SGCZ: variants seen among roughly 807,000 people sequenced by gnomAD.
SGCZ encodes the protein zeta-sarcoglycan.
SGCZ carries 40 observed loss-of-function variants against 41.3 expected under a neutral mutation model. The ratio of observed to expected loss-of-function variants is 0.97; its 90% CI spans 0.75 to 1.26. SGCZ has a LOEUF of 1.26. Among genes scored for constraint, SGCZ ranks in the 50% most tolerant of loss-of-function variants. The probability of loss-of-function intolerance (pLI) is 0.00; values close to 1 mark genes in which losing one functional copy is unlikely to be tolerated. For missense variants in SGCZ, 552 were observed against 369.8 expected (o/e 1.49, Z -4.04); for synonymous variants, 206 against 137.5 (o/e 1.50, Z -3.49).
At chr8:14,360,472 C>G (rs529380240) in intron 2 of SGCZ, among the ~76,000 whole-genome samples, 1 of 151,836 alleles carries the variant, frequency 6.6e-6, no homozygotes, top group Non-Finnish European at 1.5e-5. Context: ...ATTACAGGCA[C>G]GCATCACCAC....
At chr8:15,193,492 G>C (rs1800608983) in intron 1 of SGCZ, among the ~76,000 whole-genome samples, 2 of 151,924 alleles carry the variant, frequency 1.3e-5, no homozygotes, top group African/African-American at 4.8e-5. Flanking sequence ...ACTGTCAAAT[G>C]GTACTTTGGA....
At chr8:14,227,957 T>A (rs1339013027) in intron 4 of SGCZ, among the ~76,000 whole-genome samples, 1 of 152,038 alleles carries the variant, frequency 6.6e-6, no homozygotes, top group Non-Finnish European at 1.5e-5. Context: ...CTCTACCCCA[T>A]GACCAGGCAA....
chr8:14,544,572 G>A (rs1803567401), intron 2 of SGCZ, among the ~76,000 whole-genome samples: 1 of 152,116 alleles, frequency 6.6e-6, no homozygotes, highest in Non-Finnish European at 1.5e-5. Flanking sequence ...CCTGGGGGAG[G>A]TCTATAAATG....
chr8:15,115,512 A>T (rs1484047441), intron 1 of SGCZ, among the ~76,000 whole-genome samples: 1 of 152,246 alleles, frequency 6.6e-6, no homozygotes, highest in African/African-American at 2.4e-5. Context: ...TAAATTGTTA[A>T]TATGTTACAG....
chr8:14,478,889 T>G (rs936832172), intron 2 of SGCZ, among the ~76,000 whole-genome samples: 1 of 152,134 alleles, frequency 6.6e-6, no homozygotes, highest in Non-Finnish European at 1.5e-5. Context: ...TCAAAATCTC[T>G]GGTCGCTACA....
intron 1 of SGCZ, among the ~76,000 whole-genome samples, chr8:14,799,394 C>A (rs557897673): frequency 6.6e-6 from 1 of 152,116 alleles, no homozygotes; most frequent in South Asian, 2.1e-4. Flanking sequence ...ATTTGATTTC[C>A]AGGAGAACCC....
At chr8:14,209,194 A>T (rs1256569947) in intron 4 of SGCZ, among the ~76,000 whole-genome samples, 3 of 152,218 alleles carry the variant, frequency 2.0e-5, no homozygotes, top group Non-Finnish European at 2.9e-5. Flanking sequence ...TAAACGTCAC[A>T]TGTTGTCCAA....
intron 1 of SGCZ, among the ~76,000 whole-genome samples, chr8:14,883,235 T>TA (rs370971113): frequency 0.35 from 48,630 of 137,768 alleles, 11,294 homozygotes; most frequent in African/African-American, 0.67. Context: ...TTGGGCTACT[T>TA]AAAAAAAAAA....
At chr8:14,556,778 TC>T (rs1804046607) in intron 1 of SGCZ, among the ~76,000 whole-genome samples, 2 of 152,092 alleles carry the variant, frequency 1.3e-5, no homozygotes. Flanking sequence ...ATTAATTCCT[TC>T]CTTTTTATGG....
chr8:14,311,084 T>C (rs1171371569), intron 3 of SGCZ, among the ~76,000 whole-genome samples: 3 of 152,156 alleles, frequency 2.0e-5, no homozygotes, highest in African/African-American at 7.2e-5. Flanking sequence ...ATAATTTTTT[T>C]TCTTACAAAC....
chr8:14,930,957 T>C (rs976186000), intron 1 of SGCZ, among the ~76,000 whole-genome samples: 1 of 152,014 alleles, frequency 6.6e-6, no homozygotes, highest in Non-Finnish European at 1.5e-5. Flanking sequence ...GGCACGTGTA[T>C]ACCTATGTAA....
chr8:14,501,877 A>C (rs1802165752), intron 2 of SGCZ, among the ~76,000 whole-genome samples: 1 of 152,118 alleles, frequency 6.6e-6, no homozygotes, highest in South Asian at 2.1e-4. Context: ...CCAATATAAT[A>C]TCTTTTTATT....
chr8:14,272,645 G>C (rs953671352), intron 3 of SGCZ, among the ~76,000 whole-genome samples: 11 of 152,118 alleles, frequency 7.2e-5, no homozygotes, highest in African/African-American at 2.4e-4. Flanking sequence ...ACGTGTCCTG[G>C]TGTGTAGAAT....
At chr8:14,219,380 G>A (rs1044305515) in intron 4 of SGCZ, among the ~76,000 whole-genome samples, 2 of 152,140 alleles carry the variant, frequency 1.3e-5, no homozygotes, top group African/African-American at 2.4e-5. Flanking sequence ...GCCTGCAGCC[G>A]GTATTGGTCA....
At chr8:14,190,012 T>A (rs1473577748) in intron 4 of SGCZ, among the ~76,000 whole-genome samples, 1 of 58,504 alleles carries the variant, frequency 1.7e-5, no homozygotes, top group Non-Finnish European at 4.1e-5. Context: ...CTTTCTTTCT[T>A]TCTTTTTTTT....
chr8:14,817,108 G>C (rs1354642221), intron 1 of SGCZ, among the ~76,000 whole-genome samples: 1 of 152,086 alleles, frequency 6.6e-6, no homozygotes, highest in Non-Finnish European at 1.5e-5. Context: ...CTTCCCAGTA[G>C]TTATACCAAC....
intron 1 of SGCZ, among the ~76,000 whole-genome samples, chr8:15,222,264 A>T (rs184254408): frequency 4.5e-4 from 69 of 152,304 alleles, no homozygotes; most frequent in Admixed American, 3.7e-3. Flanking sequence ...TCCATATTCC[A>T]GGGAGAGAGA....
chr8:15,006,516 G>T (rs924924893), intron 1 of SGCZ, among the ~76,000 whole-genome samples: 1 of 152,154 alleles, frequency 6.6e-6, no homozygotes, highest in Non-Finnish European at 1.5e-5. Context: ...TTAAGGGAAA[G>T]CCTGATCATT....
chr8:14,635,471 T>C, intron 1 of SGCZ, among the ~76,000 whole-genome samples: 1 of 151,954 alleles, frequency 6.6e-6, no homozygotes, highest in Non-Finnish European at 1.5e-5. Context: ...ACTACAGGGG[T>C]CCTCCCTTAT....
Sources: gnomAD v4.1 joint callset for allele counts (sites outside exome capture counted in the v4.1 genomes callset) on GRCh38, gnomAD v4.1.1 for gene constraint, MANE v1.5 for transcripts, NCBI Gene and HGNC (gene_info 2026-07-23, HGNC 2026-07-21) for gene names.